Variants in LIG3 observed in about 807,000 individuals in gnomAD.
The protein encoded by LIG3 is ligase II, DNA, ATP-dependent.
Under a neutral mutation model 110.9 loss-of-function variants are expected in LIG3, and 58 were observed. The ratio of observed to expected loss-of-function variants is 0.52; its 90% CI spans 0.42 to 0.65. The LOEUF (loss-of-function observed/expected upper bound fraction) is 0.65, where lower values mean the gene tolerates loss of function less well. Among genes scored for constraint, LIG3 ranks in the 30% least tolerant of loss-of-function variants. The pLI is 0.00. For missense variants in LIG3, 1,094 were observed against 1,273.8 expected, an observed-to-expected ratio of 0.86 and a Z score of 2.15; for synonymous variants, 422 against 472.8, an observed-to-expected ratio of 0.89 and a Z score of 1.39.
intron 14 of LIG3, 48 bp downstream of exon 14, chr17:34,998,775 C>T (rs745975546): frequency 1.5e-5 from 24 of 1,583,946 alleles, no homozygotes; most frequent in African/African-American, 4.1e-5. Context: ...TAGAAGGTAC[C>T]GCTTGAGGTA....
chr17:34,986,053 A>G lies in LIG3; in HGVS notation c.613A>G (p.Thr205Ala). 1.9e-6 allele frequency: 3 copies of G among 1,614,140 alleles called. No homozygotes were observed. Among genetic ancestry groups the G allele is most frequent in the Non-Finnish European group, 2.5e-6 (3 of 1,179,990 alleles). ...TGTTGTCCAGGCTAAGTTGACAACC[A>G]CTGGCCAGGTGACTTCTCCAGTGAA... ...KAVVQAKLTT[T>A]GQVTSPVKGA... Residue 205 changes from threonine to alanine, a missense_variant, in exon 3 of 20, where the codon ACT (threonine) becomes GCT (alanine). Physicochemically the swap from Thr to Ala is moderately conservative, Grantham distance 58. Transcript: ENST00000378526.
chr17:34,995,985 C>T (rs1362681809), intron 9 of LIG3, 79 bp from the exon 10 acceptor site: 27 of 1,539,896 alleles, frequency 1.8e-5, no homozygotes, highest in Middle Eastern at 2.1e-4. Flanking sequence ...TGTCTGGGCC[C>T]GGGCTTTGCC....
Position 34,998,649 on chromosome 17 carries a change from G to T in LIG3, c.2035G>T (p.Asp679Tyr), listed in dbSNP as rs773813748. 11 of 1,614,082 alleles carry T rather than the reference G, an allele frequency of 6.8e-6. No individual in the cohort carries two copies. Among genetic ancestry groups the T allele is most frequent in the Middle Eastern group, 1.6e-4 (1 of 6,082 alleles). ...GKRHWLKVKK[D>Y]YLNEGAMADT... ...GCGGCACTGGCTGAAAGTGAAGAAA[G>T]ACTATTTGAACGAGGGGGCCATGGC... Residue 679 changes from aspartate (D) to tyrosine (Y), a missense_variant, in exon 14 of 20, where the codon GAC becomes TAC. Coordinates refer to ENST00000378526, the MANE Select transcript of LIG3 (RefSeq NM_013975.4).
chr17:35,003,592 G>T, intron 19 of LIG3: 1 of 161,168 alleles, frequency 6.2e-6, no homozygotes, highest in Non-Finnish European at 1.4e-5. Context: ...TGGGATTACA[G>T]GCCTGAGCCA....
intron 1 of LIG3, among the ~76,000 whole-genome samples, chr17:34,981,738 A>G (rs1323793341): frequency 6.6e-6 from 1 of 152,244 alleles, no homozygotes; most frequent in Non-Finnish European, 1.5e-5. Flanking sequence ...GCTTTTTATT[A>G]TAACGTGACA....
intron 1 of LIG3, chr17:34,981,032 C>A (rs963072687): frequency 3.3e-5 from 5 of 152,174 alleles, no homozygotes; most frequent in African/African-American, 1.2e-4. Flanking sequence ...GGGTCGCGGC[C>A]TACGCCGCCG....
rs112788648 is a variant in LIG3, at chr17:35,000,505, G to A, written c.2331+649G>A. 4.8e-3 allele frequency among the ~76,000 whole-genome samples: 731 copies of A among 152,074 alleles called. 1 individual carries two copies. Among genetic ancestry groups the A allele is most frequent in the South Asian group, 0.013 (62 of 4,816 alleles). ...ACTCTTGACCTCAGGTGACCTGCCC[G>A]CCTCAGTCTCCCAGGGTGCTGGGAT... is the stretch of plus-strand genomic sequence containing the variant. On this transcript the variant is annotated intron_variant, in intron 16 of 19. Coordinates refer to ENST00000378526, the MANE Select transcript of LIG3 (RefSeq NM_013975.4).
intron 16 of LIG3, 21 bp downstream of exon 16, chr17:34,999,877 G>A: frequency 6.3e-7 from 1 of 1,593,326 alleles, no homozygotes. Flanking sequence ...AGTGGCTTGG[G>A]GGCCTCCAGC....
chr17:34,989,231 G>C (rs569305557), intron 3 of LIG3, among the ~76,000 whole-genome samples: 28 of 152,114 alleles, frequency 1.8e-4, no homozygotes, highest in African/African-American at 6.3e-4. Flanking sequence ...TCTTTTGCTT[G>C]GGTCTAAGGA....
intron 3 of LIG3, 70 bp from the exon 4 acceptor site, chr17:34,989,396 A>T: frequency 7.4e-7 from 1 of 1,360,038 alleles, no homozygotes; most frequent in Non-Finnish European, 1.0e-6. Flanking sequence ...AATATCTGTT[A>T]GTTTCCTTCC....
chr17:35,005,128 G>A lies in LIG3; in HGVS notation c.*622G>A, dbSNP rs1597806357. ...TTTGAAGGGAGGGGACTAGGGTCAG[G>A]TAGGAAAATGGGGCCTTTATGAAGA... On this transcript the variant is annotated 3_prime_UTR_variant, in exon 20 of 20. Transcript: ENST00000378526. The A allele has an allele frequency of 2.8e-6, 1 of 356,358 alleles. No individual in the cohort carries two copies. Among genetic ancestry groups the A allele is most frequent in the East Asian group, 7.3e-5 (1 of 13,714 alleles). 22.1% of individuals were successfully genotyped at this position (356,358 alleles called of 1,614,324 possible).
chr17:34,997,046 G>A (rs1206788609), intron 11 of LIG3: 1 of 177,300 alleles, frequency 5.6e-6, no homozygotes, highest in Non-Finnish European at 1.2e-5. Flanking sequence ...GGCACCCCTG[G>A]GGGCATAAGG....
In LIG3 at chr17:34,994,275, G is replaced by C; in HGVS notation, c.1456-1G>C. The C allele has an allele frequency of 6.2e-7, 1 of 1,611,352 alleles. No homozygotes were observed. The highest frequency in any genetic ancestry group is 8.5e-7 in the Non-Finnish European group (1 of 1,179,246). ...CCAGGCTTTGCTTTCCCCACCCCAA[G>C]GCGGAGGCCTGCAAGTCCGTTGAGT... On this transcript the variant is annotated splice_acceptor_variant, in intron 8 of 19. Transcript: ENST00000378526. LOFTEE classifies it high-confidence loss of function.
rs2090881299 is a variant in LIG3, at chr17:35,004,646, C to G, written c.*140C>G. 1 of 654,304 alleles carries G rather than the reference C, an allele frequency of 1.5e-6. No homozygotes were observed. The highest frequency in any genetic ancestry group is 1.8e-5 in the African/African-American group (1 of 54,850). 40.5% of individuals were successfully genotyped at this position (654,304 alleles called of 1,614,324 possible). On this transcript the variant is annotated 3_prime_UTR_variant, in exon 20 of 20. Coordinates refer to ENST00000378526, the MANE Select transcript of LIG3 (RefSeq NM_013975.4). ...ACCCACCAGTTCTCCACTGTCTCTT[C>G]TGGACCAGGAATTAGTTGCTGTGGG...
intron 2 of LIG3, among the ~76,000 whole-genome samples, chr17:34,984,180 C>A (rs2090633050): frequency 6.6e-6 from 1 of 152,182 alleles, no homozygotes; most frequent in African/African-American, 2.4e-5. Flanking sequence ...CCTTCAGTAG[C>A]CTTTTCCTGC....
intron 3 of LIG3, among the ~76,000 whole-genome samples, chr17:34,988,476 A>C (rs555744172): frequency 2.6e-5 from 4 of 152,352 alleles, no homozygotes; most frequent in African/African-American, 7.2e-5. Flanking sequence ...GACAAGAAAC[A>C]GTGTACAACA....
rs555462146 is a variant in LIG3 at position 34,988,190 on chromosome 17, CAAAAAAAAAAAAA to C, written c.692-1262_692-1250del. ...CCTGGGCGACAGCGAGACTCTGTCTCAAAAAAAAAAAAAAAAAAAAAAAAAATTCTGAGGTTGG... is the reference window on the plus strand; with the variant it reads ...CCTGGGCGACAGCGAGACTCTGTCTCAAAAAAAAAAAAATTCTGAGGTTGG... On this transcript the variant is annotated intron_variant, in intron 3 of 19. Coordinates refer to ENST00000378526, the MANE Select transcript of LIG3 (RefSeq NM_013975.4). Among the ~76,000 whole-genome samples, 6 of 45,700 alleles carry C rather than the reference CAAAAAAAAAAAAA, an allele frequency of 1.3e-4. No individual in the cohort carries two copies. In the East Asian group the frequency reaches 2.8e-3, roughly 21 times the overall value. The allele number at this position is 45,700 out of a possible 152,430, so 30.0% of individuals were successfully genotyped here. A position where few individuals can be genotyped will look rare whatever the true frequency, so the allele number is the denominator to read the frequency against.
At position 35,002,652 on chromosome 17, in the gene LIG3, CCT is replaced by C. The variant is rs1355088904; in HGVS notation, c.2675-11_2675-10del. On this transcript the variant is annotated splice_polypyrimidine_tract_variant and intron_variant, in intron 18 of 19. Transcript: ENST00000378526. ...AGGTGTGCACCACCACACCCAGCTT[CCT>C]CTCTGTCCTGCAGGCAACATGCAGA... The C allele has an allele frequency of 8.1e-6, 13 of 1,609,962 alleles. No individual in the cohort carries two copies. In the East Asian group the frequency reaches 2.2e-4, roughly 28 times the overall value.
intron 15 of LIG3, 116 bp from the exon 16 acceptor site, chr17:34,999,665 CA>C (rs2090818771): frequency 1.8e-6 from 2 of 1,117,096 alleles, no homozygotes; most frequent in Non-Finnish European, 2.7e-6. Context: ...CTGGGAGGAT[CA>C]CATGGCTCAA....
Sources: allele counts gnomAD v4.1 joint callset (sites outside exome capture counted in the v4.1 genomes callset), GRCh38; gene constraint gnomAD v4.1.1; transcripts MANE v1.5; gene names NCBI Gene and HGNC (gene_info 2026-07-23, HGNC 2026-07-21).